Variants in ADGRB3 observed in about 807,000 individuals in gnomAD.
The protein encoded by ADGRB3 is adhesion G protein-coupled receptor B3, also known as brain-specific angiogenesis inhibitor 3.
Under a neutral mutation model 193.4 loss-of-function variants are expected in ADGRB3, and 37 were observed. That is an observed-to-expected ratio of 0.19 (90% confidence interval 0.15 to 0.25). The LOEUF is 0.25. ADGRB3 is among the 10% of genes least tolerant of loss of function. ADGRB3 has a pLI of 1.00. For missense variants in ADGRB3, 1,637 were observed against 1,852.9 expected (o/e 0.88, Z 2.14); for synonymous variants, 690 against 644.2 (o/e 1.07, Z -1.08).
At chr6:68,738,313 A>G (rs1253830254) in intron 3 of ADGRB3, among the ~76,000 whole-genome samples, 1 of 152,108 alleles carries the variant, frequency 6.6e-6, no homozygotes, top group Non-Finnish European at 1.5e-5. Flanking sequence ...CAGTATGAGG[A>G]CTTTGGCTGT....
chr6:68,940,526 A>G (rs1255853309), intron 5 of ADGRB3, among the ~76,000 whole-genome samples: 3 of 140,624 alleles, frequency 2.1e-5, no homozygotes, highest in Non-Finnish European at 4.6e-5. Flanking sequence ...AAGTTTCTGC[A>G]GGCTAAGGAA....
intron 3 of ADGRB3, among the ~76,000 whole-genome samples, chr6:68,721,191 G>A (rs1435719647): frequency 6.6e-6 from 1 of 151,736 alleles, no homozygotes; most frequent in Non-Finnish European, 1.5e-5. Context: ...GTTTATTGTG[G>A]CACCACTCAC....
chr6:69,178,456 A>C (rs1775492498), intron 17 of ADGRB3, among the ~76,000 whole-genome samples: 1 of 152,190 alleles, frequency 6.6e-6, no homozygotes, highest in Non-Finnish European at 1.5e-5. Flanking sequence ...TAGACTATTT[A>C]CATTCAAAGT....
chr6:69,118,649 A>T (rs1773598726), intron 17 of ADGRB3, among the ~76,000 whole-genome samples: 1 of 151,708 alleles, frequency 6.6e-6, no homozygotes, highest in Non-Finnish European at 1.5e-5. Flanking sequence ...GTCACACTAG[A>T]TAGAGGTTAG....
At chr6:68,784,107 T>C (rs1766912423) in intron 3 of ADGRB3, among the ~76,000 whole-genome samples, 1 of 152,140 alleles carries the variant, frequency 6.6e-6, no homozygotes. Context: ...AATTATATAC[T>C]TTATTATAAA....
rs564880605 is a variant in ADGRB3, at chr6:68,724,098, TA to T, written c.757+84677del. Reference sequence around the variant, plus strand: ...TCTAATAAAAGTATACATGAAATATTAAAAAAAAAAACAACCTCAGTGGAAA... The same window carrying T: ...TCTAATAAAAGTATACATGAAATATTAAAAAAAAAACAACCTCAGTGGAAA... On this transcript the variant is annotated intron_variant, in intron 3 of 31. Coordinates refer to ENST00000370598, the MANE Select transcript of ADGRB3 (RefSeq NM_001704.3). Among the ~76,000 whole-genome samples, 1,437 of 146,178 alleles carry T rather than the reference TA, an allele frequency of 9.8e-3. 7 individuals carry two copies. Among genetic ancestry groups the T allele is most frequent in the African/African-American group, 0.019 (770 of 40,194 alleles).
intron 17 of ADGRB3, among the ~76,000 whole-genome samples, chr6:69,213,472 A>G (rs981562442): frequency 1.1e-4 from 16 of 152,328 alleles, no homozygotes; most frequent in African/African-American, 3.8e-4. Context: ...TATTTGCTAT[A>G]CATTGGCTTT....
At chr6:69,082,179 A>C (rs2150314736) in intron 17 of ADGRB3, among the ~76,000 whole-genome samples, 1 of 152,156 alleles carries the variant, frequency 6.6e-6, no homozygotes, top group South Asian at 2.1e-4. Flanking sequence ...TTAGTCTTTT[A>C]TAGAAAAAAA....
intron 3 of ADGRB3, among the ~76,000 whole-genome samples, chr6:68,667,367 T>C (rs1451969830): frequency 6.6e-6 from 1 of 151,920 alleles, no homozygotes; most frequent in East Asian, 1.9e-4. Flanking sequence ...TAAACCTGGA[T>C]GTGCATGCTA....
chr6:69,375,031 G>A (rs570777686), intron 30 of ADGRB3, among the ~76,000 whole-genome samples: 1 of 152,168 alleles, frequency 6.6e-6, no homozygotes, highest in South Asian at 2.1e-4. Flanking sequence ...CTAATCTGTG[G>A]CATTCTTAAG....
At chr6:68,864,331 C>G (rs1765233559) in intron 3 of ADGRB3, among the ~76,000 whole-genome samples, 1 of 152,104 alleles carries the variant, frequency 6.6e-6, no homozygotes, top group Non-Finnish European at 1.5e-5. Flanking sequence ...TATATCCTCT[C>G]CTGTAATAAA....
chr6:68,740,510 G>C (rs1765958443), intron 3 of ADGRB3, among the ~76,000 whole-genome samples: 1 of 152,064 alleles, frequency 6.6e-6, no homozygotes, highest in Non-Finnish European at 1.5e-5. Context: ...CAATAACCTT[G>C]GATGAGAATA....
intron 15 of ADGRB3, among the ~76,000 whole-genome samples, chr6:69,050,842 TC>T (rs1274060773): frequency 1.3e-5 from 2 of 152,204 alleles, no homozygotes; most frequent in Non-Finnish European, 2.9e-5. Context: ...TGCTACATTC[TC>T]CCTATTTGCT....
At chr6:68,790,073 T>C (rs1206787576) in intron 3 of ADGRB3, among the ~76,000 whole-genome samples, 2 of 152,152 alleles carry the variant, frequency 1.3e-5, no homozygotes, top group Non-Finnish European at 2.9e-5. Flanking sequence ...TTTCAAAGCT[T>C]TTAACTTCTT....
intron 19 of ADGRB3, among the ~76,000 whole-genome samples, chr6:69,236,042 A>T (rs956243307): frequency 6.6e-5 from 10 of 152,038 alleles, no homozygotes; most frequent in African/African-American, 2.2e-4. Flanking sequence ...TTGCAAAAGT[A>T]GATATTTCTG....
At chr6:68,884,458 T>C (rs1765844766) in intron 3 of ADGRB3, among the ~76,000 whole-genome samples, 1 of 152,148 alleles carries the variant, frequency 6.6e-6, no homozygotes, top group Admixed American at 6.6e-5. Context: ...AGCTTTAGGC[T>C]GAAACCCGGG....
At chr6:69,282,576 T>C (rs570245911) in intron 20 of ADGRB3, among the ~76,000 whole-genome samples, 3 of 152,072 alleles carry the variant, frequency 2.0e-5, no homozygotes, top group Non-Finnish European at 4.4e-5. Flanking sequence ...TTATAAGGAG[T>C]TTGTTGTTTC....
At chr6:68,889,645 G>A (rs1239322646) in intron 3 of ADGRB3, among the ~76,000 whole-genome samples, 1 of 151,866 alleles carries the variant, frequency 6.6e-6, no homozygotes, top group East Asian at 1.9e-4. Flanking sequence ...TGGGACTACA[G>A]GTGTCCGCCA....
chr6:68,662,161 A>T (rs185532209), intron 3 of ADGRB3, among the ~76,000 whole-genome samples: 29 of 151,608 alleles, frequency 1.9e-4, no homozygotes, highest in Non-Finnish European at 3.5e-4. Flanking sequence ...AACAAATAGA[A>T]TTTGATATTA....
Sources: allele counts gnomAD v4.1 joint callset (sites outside exome capture counted in the v4.1 genomes callset), GRCh38; gene constraint gnomAD v4.1.1; transcripts MANE v1.5; gene names NCBI Gene and HGNC (gene_info 2026-07-23, HGNC 2026-07-21).